The following PDCD1LG2 variants were observed in gnomAD, a reference collection of about 807,000 sequenced individuals.
The protein encoded by PDCD1LG2 is B7 dendritic cell molecule.
In PDCD1LG2, 32 loss-of-function variants were observed where a neutral mutation model predicts 28.2. The observed-to-expected ratio is 1.13, with a 90% CI of 0.86 to 1.52. The LOEUF is 1.52. PDCD1LG2 is among the 40% of genes most tolerant of loss of function. PDCD1LG2 has a pLI of 0.00. For synonymous variants in PDCD1LG2, 116 were observed against 120.2 expected (o/e 0.97, Z 0.23); for missense variants, 385 against 323.8 (o/e 1.19, Z -1.45).
chr9:5,563,227 T>C lies in PDCD1LG2; in HGVS notation c.816+16T>C. On this transcript the variant is annotated intron_variant, in intron 6 of 6. Coordinates refer to ENST00000397747, the MANE Select transcript of PDCD1LG2 (RefSeq NM_025239.4). ...GAACAGTGCTGTGAGTAAGCATGAT[T>C]TTTACTTTTCTTTCTTACTTTCTTT... 2 of 1,601,804 alleles carry C rather than the reference T, an allele frequency of 1.2e-6. No homozygotes were observed.
chr9:5,535,548 A>G (rs781496434), intron 3 of PDCD1LG2, among the ~76,000 whole-genome samples: 31 of 152,334 alleles, frequency 2.0e-4, no homozygotes, highest in Non-Finnish European at 7.4e-5. Flanking sequence ...AGAGTAGATC[A>G]GACGACATCA....
intron 3 of PDCD1LG2, among the ~76,000 whole-genome samples, chr9:5,545,937 C>G (rs1346478505): frequency 6.6e-6 from 1 of 152,134 alleles, no homozygotes; most frequent in Non-Finnish European, 1.5e-5. Context: ...GTACTTCCGC[C>G]TCTTAAATTC....
intron 2 of PDCD1LG2, among the ~76,000 whole-genome samples, chr9:5,532,879 C>T (rs911501778): frequency 3.3e-5 from 5 of 152,192 alleles, no homozygotes; most frequent in Non-Finnish European, 7.3e-5. Flanking sequence ...TGTAACACCT[C>T]GTCCAGCCTC....
intron 2 of PDCD1LG2, among the ~76,000 whole-genome samples, chr9:5,532,319 G>A (rs1820499107): frequency 6.6e-6 from 1 of 152,192 alleles, no homozygotes; most frequent in South Asian, 2.1e-4. Flanking sequence ...TTAAAACAGG[G>A]ATAGAGGCAA....
intron 6 of PDCD1LG2, among the ~76,000 whole-genome samples, chr9:5,565,253 G>A (rs1376359237): frequency 6.6e-6 from 1 of 152,072 alleles, no homozygotes; most frequent in Non-Finnish European, 1.5e-5. Context: ...TATGACCGTG[G>A]CTCACTGCAG....
intron 1 of PDCD1LG2, among the ~76,000 whole-genome samples, chr9:5,522,161 C>T (rs763789215): frequency 2.0e-4 from 30 of 149,924 alleles, no homozygotes; most frequent in Middle Eastern, 3.4e-3. Flanking sequence ...AGATGGTGTC[C>T]ATTATTCATT....
At chr9:5,538,671 G>C (rs1013426835) in intron 3 of PDCD1LG2, among the ~76,000 whole-genome samples, 6 of 150,096 alleles carry the variant, frequency 4.0e-5, no homozygotes, top group African/African-American at 1.5e-4. Context: ...CTGGGCGACA[G>C]AGCGAGACTC....
intron 6 of PDCD1LG2, among the ~76,000 whole-genome samples, chr9:5,564,873 C>T (rs1246631131): frequency 6.6e-6 from 1 of 152,212 alleles, no homozygotes; most frequent in Non-Finnish European, 1.5e-5. Context: ...TCTTACTTGT[C>T]CCAATCCCAA....
chr9:5,537,799 C>T (rs1297592801), intron 3 of PDCD1LG2, among the ~76,000 whole-genome samples: 2 of 152,016 alleles, frequency 1.3e-5, no homozygotes, highest in East Asian at 3.9e-4. Context: ...TTAATGGGTG[C>T]AGCACACCAA....
chr9:5,513,089 T>G (rs928981220), intron 1 of PDCD1LG2, among the ~76,000 whole-genome samples: 1 of 152,186 alleles, frequency 6.6e-6, no homozygotes, highest in Non-Finnish European at 1.5e-5. Context: ...AAAAATTAGA[T>G]GTAATCTTTT....
At chr9:5,528,513 C>G (rs553233640) in intron 2 of PDCD1LG2, among the ~76,000 whole-genome samples, 16 of 151,330 alleles carry the variant, frequency 1.1e-4, no homozygotes, top group African/African-American at 3.9e-4. Flanking sequence ...TTGTGTTTCC[C>G]AGGCCAGTCT....
intron 1 of PDCD1LG2, among the ~76,000 whole-genome samples, chr9:5,511,927 A>C (rs1473788094): frequency 6.6e-6 from 1 of 152,198 alleles, no homozygotes; most frequent in Non-Finnish European, 1.5e-5. Context: ...AGTACCTGGC[A>C]ATACACATAG....
intron 3 of PDCD1LG2, among the ~76,000 whole-genome samples, chr9:5,546,896 G>A (rs554792205): frequency 6.6e-6 from 1 of 152,274 alleles, no homozygotes; most frequent in South Asian, 2.1e-4. Flanking sequence ...AACTTCAAGG[G>A]AGAGCCAAAG....
At chr9:5,516,104 T>C (rs943710820) in intron 1 of PDCD1LG2, among the ~76,000 whole-genome samples, 1 of 151,692 alleles carries the variant, frequency 6.6e-6, no homozygotes, top group Non-Finnish European at 1.5e-5. Context: ...AGGGCTGGAG[T>C]GCAGTGGCGC....
chr9:5,521,529 C>T lies in PDCD1LG2; in HGVS notation c.-14-1004C>T, dbSNP rs190916060. Among the ~76,000 whole-genome samples, 7 of 152,268 alleles carry T rather than the reference C, an allele frequency of 4.6e-5. No individual in the cohort carries two copies. The East Asian group carries it at 1.2e-3, about 25-fold the overall frequency. On this transcript the variant is annotated intron_variant, in intron 1 of 6. Transcript: ENST00000397747. ...CCCCTACTAGCCCCTCTACTCTAAG[C>T]TATCAGCATTTCTGCAAACACATTC...
intron 5 of PDCD1LG2, among the ~76,000 whole-genome samples, chr9:5,558,527 G>A (rs1816492794): frequency 6.6e-6 from 1 of 152,178 alleles, no homozygotes; most frequent in Admixed American, 6.5e-5. Flanking sequence ...CTTCTCCAAA[G>A]ATCTATACAT....
chr9:5,519,540 G>T (rs948134737), intron 1 of PDCD1LG2, among the ~76,000 whole-genome samples: 3 of 152,136 alleles, frequency 2.0e-5, no homozygotes, highest in African/African-American at 7.2e-5. Context: ...TCTTCACAAA[G>T]ATCTATAAAT....
At position 5,522,556 on chromosome 9, in the gene PDCD1LG2, C is replaced by T. The variant is rs1820295845; in HGVS notation, c.10C>T (p.Leu4Phe). 1 of 1,613,526 alleles carries T rather than the reference C, an allele frequency of 6.2e-7. No individual in the cohort carries two copies. Among genetic ancestry groups the T allele is most frequent in the African/African-American group, 1.3e-5 (1 of 74,892 alleles). The change falls in exon 2 of 7, where the codon CTC (leucine) becomes TTC (phenylalanine). Residue 4 changes from leucine to phenylalanine, a missense_variant. By Grantham distance (22) the Leu-to-Phe change is conservative (BLOSUM62 0). Transcript: ENST00000397747. ...AGATCAAATACAGAACATGATCTTC[C>T]TCCTGCTAATGTTGAGCCTGGAATT... The part of the protein sequence containing the change: MIF[L>F]LLMLSLELQL...
chr9:5,529,590 C>G (rs2129765340), intron 2 of PDCD1LG2, among the ~76,000 whole-genome samples: 2 of 152,062 alleles, frequency 1.3e-5, no homozygotes, highest in South Asian at 4.2e-4. Flanking sequence ...TCTTATAACC[C>G]AGAAATATTT....
Sources: allele counts gnomAD v4.1 joint callset (sites outside exome capture counted in the v4.1 genomes callset), GRCh38; gene constraint gnomAD v4.1.1; transcripts MANE v1.5; gene names NCBI Gene and HGNC (gene_info 2026-07-23, HGNC 2026-07-21).